The following GLRA2 variants were observed in gnomAD, a reference collection of about 807,000 sequenced individuals.
GLRA2 encodes the protein glycine receptor subunit alpha-2.
In GLRA2, 11 loss-of-function variants were observed where a neutral mutation model predicts 31.6. That is an observed-to-expected ratio of 0.35 (90% CI 0.22 to 0.58). The LOEUF is 0.58. GLRA2 is among the 20% of genes least tolerant of loss of function. The pLI is 0.84. For synonymous variants in GLRA2, 132 were observed against 134.0 expected (o/e 0.99, Z 0.10); for missense variants, 212 against 351.8 (o/e 0.60, Z 3.18).
At chrX:14,696,200 A>G (rs1484782543) in intron 8 of GLRA2, among the ~76,000 whole-genome samples, 1 of 74,634 alleles carries the variant, frequency 1.3e-5, no homozygotes, top group East Asian at 5.1e-4. Context: ...GGGAGGGAGA[A>G]TGGGATGGAG....
chrX:14,726,764 T>C (rs1411969309), intron 8 of GLRA2, among the ~76,000 whole-genome samples: 1 of 112,649 alleles, frequency 8.9e-6, no homozygotes, highest in Non-Finnish European at 1.9e-5. Context: ...ATTAAATGAA[T>C]GAGTCAATCT....
the GLRA2 span, among the ~76,000 whole-genome samples, chrX:14,468,108 T>C: frequency 7.2e-5 from 8 of 111,814 alleles, no homozygotes; most frequent in African/African-American, 2.6e-4. Context: ...GACTACTGGA[T>C]GAATGTAAAA....
intron 8 of GLRA2, among the ~76,000 whole-genome samples, chrX:14,691,448 C>T (rs1048567204): frequency 9.0e-6 from 1 of 111,622 alleles, no homozygotes. Context: ...AGACTGGCCT[C>T]ATTATCTCAA....
intron 8 of GLRA2, among the ~76,000 whole-genome samples, chrX:14,728,527 A>G: frequency 8.9e-6 from 1 of 112,188 alleles, no homozygotes; most frequent in Non-Finnish European, 1.9e-5. Flanking sequence ...TCAAATTTAC[A>G]TGGCGAAGGA....
intron 8 of GLRA2, among the ~76,000 whole-genome samples, chrX:14,724,419 A>G (rs761181380): frequency 9.1e-6 from 1 of 109,722 alleles, no homozygotes; most frequent in Non-Finnish European, 1.9e-5. Context: ...GGAAGTCAGG[A>G]GTTTGAGACC....
chrX:14,520,120 G>A, the GLRA2 span, among the ~76,000 whole-genome samples: 2 of 112,002 alleles, frequency 1.8e-5, no homozygotes, highest in Non-Finnish European at 3.8e-5. Flanking sequence ...AGGCAATCCA[G>A]AAGAGGCATT....
At chrX:14,552,440 A>G (rs1178613172) in intron 2 of GLRA2, among the ~76,000 whole-genome samples, 3 of 112,274 alleles carry the variant, frequency 2.7e-5, no homozygotes, top group Non-Finnish European at 3.8e-5. Flanking sequence ...TACTACTGTT[A>G]ACGATATCCT....
At chrX:14,726,912 C>T (rs1048672307) in intron 8 of GLRA2, among the ~76,000 whole-genome samples, 7 of 111,812 alleles carry the variant, frequency 6.3e-5, no homozygotes, top group African/African-American at 2.3e-4. Flanking sequence ...GAACTATATG[C>T]TTAATCATGA....
chrX:14,493,745 ACG>A, the GLRA2 span, among the ~76,000 whole-genome samples: 1 of 102,053 alleles, frequency 9.8e-6, no homozygotes, highest in African/African-American at 3.6e-5. Context: ...ATACATATAT[ACG>A]TGTATATGTA....
intron 7 of GLRA2, among the ~76,000 whole-genome samples, chrX:14,677,917 C>T (rs1247402565): frequency 8.9e-6 from 1 of 111,968 alleles, no homozygotes; most frequent in African/African-American, 3.2e-5. Flanking sequence ...GGTTTTCCAA[C>T]CTCAGAATTA....
chrX:14,695,190 C>T (rs35155741), intron 8 of GLRA2, among the ~76,000 whole-genome samples: 1,355 of 111,144 alleles, frequency 0.012, 9 homozygotes, highest in Non-Finnish European at 0.017. Context: ...TGGAGCATTC[C>T]ATCATTTAGA....
intron 2 of GLRA2, among the ~76,000 whole-genome samples, chrX:14,538,132 C>T (rs1004482856): frequency 1.8e-4 from 20 of 110,141 alleles, no homozygotes; most frequent in African/African-American, 6.6e-4. Context: ...GTCAGCATGT[C>T]TTTCATTCCA....
At chrX:14,699,249 C>A (rs1289484920) in intron 8 of GLRA2, among the ~76,000 whole-genome samples, 1 of 111,971 alleles carries the variant, frequency 8.9e-6, no homozygotes, top group Admixed American at 9.5e-5. Flanking sequence ...GCATTTATCT[C>A]CCACTTTCAT....
intron 8 of GLRA2, among the ~76,000 whole-genome samples, chrX:14,724,757 A>G (rs1277086722): frequency 9.0e-6 from 1 of 111,139 alleles, no homozygotes; most frequent in Non-Finnish European, 1.9e-5. Context: ...ATACATTGAC[A>G]TGTTTTTCTT....
intron 4 of GLRA2, among the ~76,000 whole-genome samples, chrX:14,601,525 T>A (rs1010792853): frequency 2.7e-5 from 3 of 112,012 alleles, no homozygotes; most frequent in African/African-American, 9.7e-5. Flanking sequence ...TCAATTCAGA[T>A]AATGCAAGAT....
intron 4 of GLRA2, among the ~76,000 whole-genome samples, chrX:14,581,806 A>AC: frequency 9.5e-6 from 1 of 105,578 alleles, no homozygotes; most frequent in Non-Finnish European, 2.0e-5. Flanking sequence ...ACACACACAC[A>AC]AATTCAATAG....
At chrX:14,539,193 A>AT (rs2089366920) in intron 2 of GLRA2, among the ~76,000 whole-genome samples, 1 of 110,642 alleles carries the variant, frequency 9.0e-6, no homozygotes, top group African/African-American at 3.3e-5. Flanking sequence ...AAAATAAGTC[A>AT]TTAGTTTGTT....
At chrX:14,690,659 T>C (rs761123555) in intron 7 of GLRA2, 51 bp from the exon 8 acceptor site, 43 of 773,473 alleles carry the variant, frequency 5.6e-5, no homozygotes, top group South Asian at 4.0e-4. Context: ...TAGTCTTTCT[T>C]TCTCTCTCTC....
At chrX:14,590,524 T>G (rs1404337182) in intron 4 of GLRA2, among the ~76,000 whole-genome samples, 1 of 112,014 alleles carries the variant, frequency 8.9e-6, no homozygotes, top group African/African-American at 3.2e-5. Flanking sequence ...ACATTCTCTA[T>G]TTAGATGTCA....
Sources: gnomAD v4.1 joint callset for allele counts (sites outside exome capture counted in the v4.1 genomes callset) on GRCh38, gnomAD v4.1.1 for gene constraint, MANE v1.5 for transcripts, NCBI Gene and HGNC (gene_info 2026-07-23, HGNC 2026-07-21) for gene names.